HECTD4: variants seen among roughly 807,000 people sequenced by gnomAD.
HECTD4 encodes HECT domain E3 ubiquitin protein ligase 4, also known as probable E3 ubiquitin-protein ligase HECTD4.
Under a neutral mutation model 471.5 loss-of-function variants are expected in HECTD4, and 114 were observed. The ratio of observed to expected loss-of-function variants is 0.24; its 90% confidence interval spans 0.21 to 0.28. The LOEUF is 0.28. Among genes scored for constraint, HECTD4 ranks in the 10% least tolerant of loss-of-function variants. HECTD4 has a pLI of 1.00. For missense variants in HECTD4, 3,866 were observed against 5,651.5 expected (o/e 0.68, Z 10.13); for synonymous variants, 2,012 against 2,256.0 (o/e 0.89, Z 3.07).
At position 112,204,614 on chromosome 12, in the gene HECTD4, T is replaced by A. The variant is rs547681215; in HGVS notation, c.8141A>T (p.Asp2714Val). 6.2e-7 allele frequency: 1 copy of A among 1,612,954 alleles called. No individual in the cohort carries two copies. Among genetic ancestry groups the A allele is most frequent in the East Asian group, 2.2e-5 (1 of 44,872 alleles). The change falls in exon 53 of 76, where the codon GAT (aspartate) becomes GTT (valine). Residue 2714 changes from aspartate to valine, a missense_variant. Coordinates refer to ENST00000682272, the MANE Select transcript of HECTD4 (RefSeq NM_001388303.1). Reference sequence around the variant, plus strand: ...AAATTCAACCGTCTGTCGGGCAATATCCACCATACCTAAAAAATATAACAG... The same window carrying A: ...AAATTCAACCGTCTGTCGGGCAATAACCACCATACCTAAAAAATATAACAG... Reference protein sequence around the residue: ...IKGALQLGMVDIARQTVEFLY... With the variant: ...IKGALQLGMVVIARQTVEFLY...
intron 60 of HECTD4, 53 bp from the exon 61 acceptor site, chr12:112,185,546 C>G: frequency 5.1e-6 from 7 of 1,379,082 alleles, no homozygotes; most frequent in Non-Finnish European, 5.9e-6. Context: ...TGGCTATGTT[C>G]CAGGCGCAGT....
In HECTD4 at chr12:112,193,781, G is replaced by T; in HGVS notation, c.8750-107C>A. The T allele has an allele frequency of 1.1e-6, 1 of 929,234 alleles. No individual in the cohort carries two copies. Among genetic ancestry groups the T allele is most frequent in the Non-Finnish European group, 1.7e-6 (1 of 596,922 alleles). The allele number at this position is 929,234 out of a possible 1,614,324, so 57.6% of individuals were successfully genotyped here. On this transcript the variant is annotated intron_variant, in intron 56 of 75. Transcript: ENST00000682272. This position sits in a 1 kb window ranked among gnomAD's most constrained non-coding sequence, Gnocchi z 5.2. ...ACCCATCCAGAAACCCCAGATGGGAGGGTTATCCTGGATATGATGTCCTGG... is the reference window on the plus strand; with the variant it reads ...ACCCATCCAGAAACCCCAGATGGGATGGTTATCCTGGATATGATGTCCTGG...
Position 112,208,654 on chromosome 12 carries a change from G to A in HECTD4, c.7868-24C>T, listed in dbSNP as rs775468948. ...TTCTGTAACAGAGCACAAGGACAGC[G>A]AATTCTAAACAAGAGCAGGCTAGAA... is the stretch of plus-strand genomic sequence containing the variant. On this transcript the variant is annotated intron_variant, in intron 50 of 75. Transcript: ENST00000682272. 7.7e-5 allele frequency: 117 copies of A among 1,519,542 alleles called. 1 individual carries two copies. In the South Asian group the frequency reaches 8.9e-4, roughly 12 times the overall value. The allele number at this position is 1,519,542 out of a possible 1,614,324, so 94.1% of individuals were successfully genotyped here. A position where few individuals can be genotyped will look rare whatever the true frequency, so the allele number is the denominator to read the frequency against.
intron 5 of HECTD4, 41 bp downstream of exon 5, chr12:112,309,520 A>C: frequency 7.1e-6 from 6 of 848,194 alleles, no homozygotes; most frequent in Non-Finnish European, 1.1e-5. Context: ...AAGGAGGATA[A>C]TGTTCTAGCC....
chr12:112,181,727 T>G (rs2031673795), intron 62 of HECTD4, among the ~76,000 whole-genome samples: 1 of 152,230 alleles, frequency 6.6e-6, no homozygotes, highest in South Asian at 2.1e-4. Flanking sequence ...TCCAAAGTGC[T>G]GGGATTACAG....
chr12:112,172,109 G>C (rs535991359), intron 67 of HECTD4, among the ~76,000 whole-genome samples: 1 of 152,256 alleles, frequency 6.6e-6, no homozygotes, highest in Non-Finnish European at 1.5e-5. Flanking sequence ...CTCCATGTTG[G>C]TCAGGCTAGT....
At chr12:112,300,691 G>C (rs1594024857) in intron 7 of HECTD4, among the ~76,000 whole-genome samples, 2 of 152,096 alleles carry the variant, frequency 1.3e-5, no homozygotes, top group African/African-American at 4.8e-5. Flanking sequence ...TTGACCTCCA[G>C]GGCTCAAGCA....
intron 22 of HECTD4, 100 bp from the exon 23 acceptor site, chr12:112,252,628 A>C: frequency 1.5e-6 from 2 of 1,335,284 alleles, no homozygotes; most frequent in Admixed American, 4.4e-5. Flanking sequence ...AAAGGACCAC[A>C]GCAATATTTC....
In HECTD4 at chr12:112,213,618, G is replaced by A. The variant is rs571592714; in HGVS notation, c.7466-968C>T. 6.1e-4 allele frequency among the ~76,000 whole-genome samples: 93 copies of A among 151,520 alleles called. 2 individuals are homozygous for A. The South Asian group carries it at 0.016, about 25-fold the overall frequency. On this transcript the variant is annotated intron_variant, in intron 48 of 75. Coordinates refer to ENST00000682272, the MANE Select transcript of HECTD4 (RefSeq NM_001388303.1). The surrounding 1 kb of genome is among the most constrained non-coding windows in gnomAD (Gnocchi z 4.0). ...GAAGAATGGCGTGAACCCGGGAGGC[G>A]GAGGTTGCAGTGAGCCAAGATTGTG...
At position 112,163,735 on chromosome 12, in the gene HECTD4, C is replaced by A. The variant is rs905555813; in HGVS notation, c.12704G>T (p.Trp4235Leu). The A allele has an allele frequency of 1.4e-6, 2 of 1,467,656 alleles. No individual in the cohort carries two copies. The highest frequency in any genetic ancestry group is 9.0e-7 in the Non-Finnish European group (1 of 1,105,658). The allele number at this position is 1,467,656 out of a possible 1,614,324, so 90.9% of individuals were successfully genotyped here. Residue 4235 changes from tryptophan to leucine, a missense_variant and splice_region_variant, in exon 74 of 76, where the codon TGG (tryptophan) becomes TTG (leucine). Trp to Leu is a moderately conservative substitution (Grantham distance 61, BLOSUM62 -2). Around this residue, in one of 16 missense-constraint regions of HECTD4, gnomAD observed 715 missense variants for 1,087.6 expected, o/e 0.66. Transcript: ENST00000682272. This position sits in a 1 kb window ranked among gnomAD's most constrained non-coding sequence, Gnocchi z 8.2. ...CSRGRHILVA[W>L]ENKDIYAAAI... ...TGCCGCGTAGATGTCCTTGTTCTCC[C>A]ACCTGCCCGGGTGAGGAGCACAGGT...
intron 27 of HECTD4, 139 bp downstream of exon 27, chr12:112,247,928 G>C (rs2033796015): frequency 3.6e-6 from 2 of 561,502 alleles, no homozygotes; most frequent in Non-Finnish European, 6.1e-6. Flanking sequence ...TTAAAGAATG[G>C]GTACATTTTT....
intron 41 of HECTD4, among the ~76,000 whole-genome samples, chr12:112,229,246 G>A (rs933203991): frequency 6.6e-6 from 1 of 152,160 alleles, no homozygotes; most frequent in Non-Finnish European, 1.5e-5. Context: ...AGAATCATTT[G>A]AACCCGGGAG....
At position 112,230,810 on chromosome 12, in the gene HECTD4, C is replaced by T; in HGVS notation, c.6213G>A (p.Val2071=). 2 of 1,610,072 alleles carry T rather than the reference C, an allele frequency of 1.2e-6. No homozygotes were observed. The highest frequency in any genetic ancestry group is 1.7e-6 in the Non-Finnish European group (2 of 1,178,236). ...RNSELARTDP[V]RPFISGHVAN... is the part of the protein sequence containing the mutation. ...CCACATGCCCACTGATGAAGGGACG[C>T]ACAGGATCAGTCCTGCAAGTGTCAA... Residue 2071 remains valine (V), a synonymous_variant, in exon 40 of 76, where the codon GTG becomes GTA. Transcript: ENST00000682272.
intron 38 of HECTD4, 101 bp from the exon 39 acceptor site, chr12:112,231,816 A>AT (rs951203568): frequency 6.3e-4 from 589 of 939,414 alleles, no homozygotes; most frequent in South Asian, 2.5e-3. Context: ...ATCCACACTC[A>AT]TTTTTTTTTA....
chr12:112,314,559 G>A lies in HECTD4; in HGVS notation c.696-13C>T. On this transcript the variant is annotated splice_polypyrimidine_tract_variant and intron_variant, in intron 2 of 75. Coordinates refer to ENST00000682272, the MANE Select transcript of HECTD4 (RefSeq NM_001388303.1). ...TTTCAATGATCCCCTAAAAATAAAA[G>A]GAAGGAACAGTAAATCATCAAAATT... is the stretch of plus-strand genomic sequence containing the variant. 7.4e-7 allele frequency: 1 copy of A among 1,347,194 alleles called. No individual in the cohort carries two copies. Among genetic ancestry groups the A allele is most frequent in the East Asian group, 2.5e-5 (1 of 40,060 alleles). The allele number at this position is 1,347,194 out of a possible 1,614,324, so 83.5% of individuals were successfully genotyped here. A position where few individuals can be genotyped will look rare whatever the true frequency, so the allele number is the denominator to read the frequency against.
Position 112,229,847 on chromosome 12 carries a change from A to T in HECTD4, c.6370T>A (p.Leu2124Met), listed in dbSNP as rs927734663. The stretch of plus-strand genomic sequence containing the variant: ...AGAATGCTTTCTGCGTATTTCCCCA[A>T]TTGTGGAATGTACATCAGTGCTCTA... ...LSRALMYIPQLGKYAESILEN... is the reference protein window; with the variant it reads ...LSRALMYIPQMGKYAESILEN... Residue 2124 changes from leucine (L) to methionine (M), a missense_variant, in exon 41 of 76, where the codon TTG becomes ATG. Coordinates refer to ENST00000682272, the MANE Select transcript of HECTD4 (RefSeq NM_001388303.1). 2 of 1,613,946 alleles carry T rather than the reference A, an allele frequency of 1.2e-6. No homozygotes were observed. Among genetic ancestry groups the T allele is most frequent in the Non-Finnish European group, 1.7e-6 (2 of 1,179,856 alleles).
intron 44 of HECTD4, among the ~76,000 whole-genome samples, chr12:112,222,652 G>A (rs2033131568): frequency 6.6e-6 from 1 of 152,154 alleles, no homozygotes; most frequent in Admixed American, 6.5e-5. Context: ...GGGCAACAGA[G>A]TGAGACTCTG....
At position 112,382,371 on chromosome 12, in the gene HECTD4, G is replaced by C. The variant is rs1483639691; in HGVS notation, c.-243C>G. 2.2e-5 allele frequency: 8 copies of C among 366,168 alleles called. No homozygotes were observed. Among genetic ancestry groups the C allele is most frequent in the African/African-American group, 1.8e-4 (8 of 45,066 alleles). 22.7% of individuals were successfully genotyped at this position (366,168 alleles called of 1,614,324 possible). Reference sequence around the variant, plus strand: ...GCCGCCGCCGCCGCCCTCAGGAGCAGGATCCGCCTCTGCCGCTCGGCAACC... The same window carrying C: ...GCCGCCGCCGCCGCCCTCAGGAGCACGATCCGCCTCTGCCGCTCGGCAACC... On this transcript the variant is annotated 5_prime_UTR_variant, in exon 1 of 76. Transcript: ENST00000682272.
At chr12:112,322,799 C>G (rs1301340465) in intron 1 of HECTD4, 1 of 153,274 alleles carries the variant, frequency 6.5e-6, no homozygotes, top group African/African-American at 2.4e-5. Flanking sequence ...GGACCCTCAT[C>G]AAAAAGATGA....
Sources: allele counts gnomAD v4.1 joint callset (sites outside exome capture counted in the v4.1 genomes callset), GRCh38; gene constraint gnomAD v4.1.1; regional missense constraint gnomAD v4.1.1; non-coding constraint Gnocchi (gnomAD v3.1); transcripts MANE v1.5; gene names NCBI Gene and HGNC (gene_info 2026-07-23, HGNC 2026-07-21).